Variants in GRID1 observed in about 807,000 individuals in gnomAD.
GRID1 encodes glutamate ionotropic receptor delta type subunit 1.
In GRID1, 28 loss-of-function variants were observed where a neutral mutation model predicts 98.0. The ratio of observed to expected loss-of-function variants is 0.29; its 90% CI spans 0.21 to 0.39. GRID1 has a LOEUF of 0.39. GRID1 is among the 10% of genes least tolerant of loss of function. GRID1 has a pLI of 1.00. For synonymous variants in GRID1, 553 were observed against 538.5 expected, an observed-to-expected ratio of 1.03 and a Z score of -0.37; for missense variants, 1,111 against 1,340.5, an observed-to-expected ratio of 0.83 and a Z score of 2.67.
intron 12 of GRID1, among the ~76,000 whole-genome samples, chr10:85,713,787 A>T (rs1841607736): frequency 6.6e-6 from 1 of 151,974 alleles, no homozygotes; most frequent in Admixed American, 6.6e-5. Flanking sequence ...AAAAATCATT[A>T]GAGAAAATTT....
At chr10:85,866,082 A>C (rs1183727173) in intron 6 of GRID1, among the ~76,000 whole-genome samples, 1 of 149,840 alleles carries the variant, frequency 6.7e-6, no homozygotes, top group Non-Finnish European at 1.5e-5. Context: ...GTCTTCAATG[A>C]GCAGGGTCTT....
intron 4 of GRID1, among the ~76,000 whole-genome samples, chr10:85,936,192 A>G (rs1292029047): frequency 2.0e-5 from 3 of 152,248 alleles, no homozygotes; most frequent in Non-Finnish European, 2.9e-5. Context: ...CATCTTAAAA[A>G]TTAGATGGAA....
intron 5 of GRID1, among the ~76,000 whole-genome samples, chr10:85,872,990 C>A (rs1263036529): frequency 6.6e-6 from 1 of 152,218 alleles, no homozygotes; most frequent in African/African-American, 2.4e-5. Flanking sequence ...AAAAAGGTCA[C>A]TTTTCTCCTT....
chr10:86,017,930 G>A (rs936912331), intron 4 of GRID1, among the ~76,000 whole-genome samples: 1 of 152,160 alleles, frequency 6.6e-6, no homozygotes, highest in African/African-American at 2.4e-5. Flanking sequence ...CCCCATCTCT[G>A]AGCCCAACAG....
intron 2 of GRID1, among the ~76,000 whole-genome samples, chr10:86,324,105 G>A (rs1848009606): frequency 6.6e-6 from 1 of 152,120 alleles, no homozygotes; most frequent in Non-Finnish European, 1.5e-5. Context: ...CTTGAACCCA[G>A]GACGCAGAGA....
chr10:86,332,341 G>C (rs779892050), intron 2 of GRID1, among the ~76,000 whole-genome samples: 4 of 152,074 alleles, frequency 2.6e-5, no homozygotes, highest in Non-Finnish European at 2.9e-5. Flanking sequence ...AATTCTAGAC[G>C]GACCCCCTAG....
intron 4 of GRID1, among the ~76,000 whole-genome samples, chr10:85,950,309 T>C (rs1842104258): frequency 6.6e-6 from 1 of 152,100 alleles, no homozygotes; most frequent in Admixed American, 6.5e-5. Flanking sequence ...AGAGACATGG[T>C]TCCGGAAATG....
At chr10:85,695,315 T>TGACATGAG (rs1439051518) in intron 12 of GRID1, among the ~76,000 whole-genome samples, 5 of 152,340 alleles carry the variant, frequency 3.3e-5, no homozygotes, top group Admixed American at 6.5e-5. Context: ...GTTCTGGATG[T>TGACATGAG]GACATGAGAG....
chr10:86,092,099 A>T (rs1218877530), intron 4 of GRID1, among the ~76,000 whole-genome samples: 1 of 152,166 alleles, frequency 6.6e-6, no homozygotes, highest in Non-Finnish European at 1.5e-5. Flanking sequence ...AAAAAATCAC[A>T]CTAGTTCACC....
chr10:86,073,148 A>T (rs961842981), intron 4 of GRID1, among the ~76,000 whole-genome samples: 1 of 152,242 alleles, frequency 6.6e-6, no homozygotes, highest in Non-Finnish European at 1.5e-5. Flanking sequence ...ACCCCCAGAT[A>T]TTGCAGTAAG....
chr10:86,273,777 A>G (rs1251421337), intron 2 of GRID1, among the ~76,000 whole-genome samples: 812 of 129,846 alleles, frequency 6.3e-3, no homozygotes, highest in South Asian at 0.01. Context: ...TTTTCTTGTA[A>G]ATTTGTTTGA....
chr10:86,042,855 G>A (rs1843366033), intron 4 of GRID1, among the ~76,000 whole-genome samples: 1 of 152,148 alleles, frequency 6.6e-6, no homozygotes, highest in African/African-American at 2.4e-5. Flanking sequence ...GGAGGCTGGG[G>A]CAATAGCATC....
intron 3 of GRID1, among the ~76,000 whole-genome samples, chr10:86,156,396 A>AT (rs544284430): frequency 7.0e-4 from 107 of 152,232 alleles, no homozygotes; most frequent in African/African-American, 2.5e-3. Flanking sequence ...CCCTTCCCTG[A>AT]TTTTTTTCAA....
At chr10:86,339,810 C>T (rs1345160028) in intron 2 of GRID1, among the ~76,000 whole-genome samples, 1 of 152,210 alleles carries the variant, frequency 6.6e-6, no homozygotes, top group Non-Finnish European at 1.5e-5. Context: ...ATGCAAGGCA[C>T]GGCGCTAGAG....
rs145927372 is a variant in GRID1 at position 85,626,177 on chromosome 10, A to G, written c.2194-6144T>C. On this transcript the variant is annotated intron_variant, in intron 13 of 15. Coordinates refer to ENST00000327946, the MANE Select transcript of GRID1 (RefSeq NM_017551.3). ...CAGAAACCTGATCCCTTTTTTATCC[A>G]TATAATACTTCTCGAGGGCAGAAGA... 6.6e-5 allele frequency among the ~76,000 whole-genome samples: 10 copies of G among 152,310 alleles called. No individual in the cohort carries two copies. In the East Asian group the frequency reaches 1.9e-3, roughly 29 times the overall value.
chr10:85,756,066 TC>T (rs1842095021), intron 8 of GRID1, among the ~76,000 whole-genome samples: 1 of 151,184 alleles, frequency 6.6e-6, no homozygotes, highest in Non-Finnish European at 1.5e-5. Context: ...TACATTATGT[TC>T]CAATACCCCC....
intron 4 of GRID1, among the ~76,000 whole-genome samples, chr10:86,019,775 G>A (rs148670082): frequency 6.2e-4 from 94 of 152,334 alleles, no homozygotes; most frequent in Middle Eastern, 3.4e-3. Context: ...GTCTTCATGG[G>A]CCAAAAGAAG....
chr10:86,295,054 C>T (rs575585198), intron 2 of GRID1, among the ~76,000 whole-genome samples: 1 of 152,270 alleles, frequency 6.6e-6, no homozygotes, highest in African/African-American at 2.4e-5. Flanking sequence ...CTCTGAGAGT[C>T]GTGAGGGCAA....
At chr10:85,826,018 C>T (rs910116657) in intron 8 of GRID1, among the ~76,000 whole-genome samples, 2 of 152,126 alleles carry the variant, frequency 1.3e-5, no homozygotes, top group Non-Finnish European at 2.9e-5. Context: ...ACTATATTGA[C>T]TGTAAGTAGA....
Sources: gnomAD v4.1 joint callset for allele counts (sites outside exome capture counted in the v4.1 genomes callset) on GRCh38, gnomAD v4.1.1 for gene constraint, MANE v1.5 for transcripts, NCBI Gene and HGNC (gene_info 2026-07-23, HGNC 2026-07-21) for gene names.